The following GSG1L variants were observed in gnomAD, a reference collection of about 807,000 sequenced individuals.
The protein encoded by GSG1L is GSG1 like.
A neutral mutation model predicts 42.1 loss-of-function variants in GSG1L; 24 were observed. The ratio of observed to expected loss-of-function variants is 0.57; its 90% CI spans 0.41 to 0.80. GSG1L has a LOEUF of 0.80. GSG1L is among the 30% of genes least tolerant of loss of function. The pLI is 0.00. For synonymous variants in GSG1L, 215 were observed against 203.5 expected (o/e 1.06, Z -0.48); for missense variants, 445 against 472.2 (o/e 0.94, Z 0.53).
chr16:28,021,062 G>C (rs1328750036), intron 1 of GSG1L, among the ~76,000 whole-genome samples: 1 of 152,198 alleles, frequency 6.6e-6, no homozygotes, highest in Non-Finnish European at 1.5e-5. Flanking sequence ...GATTTGTTAG[G>C]TGGTGTATTA....
At chr16:27,982,771 G>A (rs369824328) in intron 1 of GSG1L, among the ~76,000 whole-genome samples, 19 of 152,282 alleles carry the variant, frequency 1.2e-4, no homozygotes, top group African/African-American at 4.3e-4. Context: ...GCAGGAGCAA[G>A]AGAGAGGAGA....
intron 5 of GSG1L, among the ~76,000 whole-genome samples, chr16:27,818,150 C>T (rs556081727): frequency 6.6e-6 from 1 of 152,230 alleles, no homozygotes; most frequent in Non-Finnish European, 1.5e-5. Flanking sequence ...CCCATCCTCT[C>T]CCCATGGTCC....
chr16:28,025,239 C>G (rs1014564986), intron 1 of GSG1L, among the ~76,000 whole-genome samples: 1 of 152,130 alleles, frequency 6.6e-6, no homozygotes, highest in African/African-American at 2.4e-5. Flanking sequence ...GCCATGTCAC[C>G]AGGAGAGTGG....
chr16:28,032,383 C>T (rs567562752), intron 1 of GSG1L, among the ~76,000 whole-genome samples: 4 of 152,284 alleles, frequency 2.6e-5, no homozygotes, highest in East Asian at 1.9e-4. Context: ...ATAACAAACA[C>T]GAATGACAAC....
chr16:27,872,506 G>A (rs920787949), intron 3 of GSG1L, among the ~76,000 whole-genome samples: 1 of 152,146 alleles, frequency 6.6e-6, no homozygotes, highest in Admixed American at 6.5e-5. Flanking sequence ...CCATCTTGAC[G>A]AGGGGCTGGG....
chr16:27,832,487 G>A (rs571689890), intron 4 of GSG1L, among the ~76,000 whole-genome samples: 2 of 152,136 alleles, frequency 1.3e-5, no homozygotes, highest in Non-Finnish European at 2.9e-5. Context: ...GTATGGGATT[G>A]GCTTTTTTTC....
At chr16:27,800,134 GT>G (rs1157451881) in intron 6 of GSG1L, among the ~76,000 whole-genome samples, 3 of 152,180 alleles carry the variant, frequency 2.0e-5, no homozygotes, top group Admixed American at 6.5e-5. Flanking sequence ...TGCAAGCTGT[GT>G]GCCATCTGCG....
chr16:27,824,055 C>A, intron 5 of GSG1L: 1 of 648,984 alleles, frequency 1.5e-6, no homozygotes, highest in South Asian at 1.8e-5. Context: ...CTTCGAAATA[C>A]CCTCGCCATC....
At chr16:27,897,346 T>C (rs1333030362) in intron 2 of GSG1L, among the ~76,000 whole-genome samples, 1 of 152,198 alleles carries the variant, frequency 6.6e-6, no homozygotes, top group African/African-American at 2.4e-5. Flanking sequence ...TCACCCAGGC[T>C]GGAGTGCAGT....
rs76319329 is a variant in GSG1L at position 27,998,807 on chromosome 16, T to TA, written c.350-35605dup. On this transcript the variant is annotated intron_variant, in intron 1 of 6. Transcript: ENST00000447459. ...TTTAAAAAATAAATCAATAAATAAT[T>TA]AAAAAAAAAAACAACCCAAGGCTTC... Among the ~76,000 whole-genome samples, 561 of 143,472 alleles carry TA rather than the reference T, an allele frequency of 3.9e-3. 3 individuals carry two copies. Among genetic ancestry groups the TA allele is most frequent in the African/African-American group, 0.012 (474 of 39,218 alleles). 94.1% of individuals were successfully genotyped at this position (143,472 alleles called of 152,430 possible).
chr16:27,948,092 C>T (rs1050025868), intron 2 of GSG1L, among the ~76,000 whole-genome samples: 1 of 152,182 alleles, frequency 6.6e-6, no homozygotes, highest in Non-Finnish European at 1.5e-5. Context: ...TCCTTACCCC[C>T]CTTGCTGGGG....
At chr16:27,926,818 A>G (rs941800555) in intron 2 of GSG1L, among the ~76,000 whole-genome samples, 10 of 152,386 alleles carry the variant, frequency 6.6e-5, no homozygotes, top group Admixed American at 5.9e-4. Context: ...GATAGCATAG[A>G]GGGCTGATGA....
At chr16:28,051,645 T>G (rs1332659685) in intron 1 of GSG1L, among the ~76,000 whole-genome samples, 1 of 151,524 alleles carries the variant, frequency 6.6e-6, no homozygotes, top group Non-Finnish European at 1.5e-5. Flanking sequence ...GGAGAAAGAG[T>G]TTCAGGCTAA....
chr16:27,886,832 A>G (rs1022025421), intron 2 of GSG1L, among the ~76,000 whole-genome samples: 7 of 152,228 alleles, frequency 4.6e-5, no homozygotes, highest in Non-Finnish European at 8.8e-5. Context: ...CGGACCAGGC[A>G]TGGGCAGTCA....
At chr16:27,874,661 G>A (rs1324319304) in intron 3 of GSG1L, among the ~76,000 whole-genome samples, 2 of 151,990 alleles carry the variant, frequency 1.3e-5, no homozygotes, top group African/African-American at 4.8e-5. Flanking sequence ...GTTGGAGGGT[G>A]ATGTGTCCTG....
intron 1 of GSG1L, among the ~76,000 whole-genome samples, chr16:27,977,311 T>C (rs776495066): frequency 6.6e-6 from 1 of 152,168 alleles, no homozygotes; most frequent in African/African-American, 2.4e-5. Context: ...ACAGGCGCGG[T>C]AGCTCATTCG....
intron 5 of GSG1L, among the ~76,000 whole-genome samples, chr16:27,822,646 T>C (rs1446221698): frequency 6.6e-6 from 1 of 152,126 alleles, no homozygotes; most frequent in Non-Finnish European, 1.5e-5. Flanking sequence ...CTCGAGCTCC[T>C]AGACTTAAGT....
chr16:27,812,833 G>C (rs991315578), intron 5 of GSG1L, among the ~76,000 whole-genome samples: 1 of 152,028 alleles, frequency 6.6e-6, no homozygotes, highest in Non-Finnish European at 1.5e-5. Flanking sequence ...CTCTCACCCA[G>C]GCTGGAGTGA....
intron 6 of GSG1L, among the ~76,000 whole-genome samples, chr16:27,791,769 C>T (rs532986829): frequency 4.6e-5 from 7 of 152,190 alleles, no homozygotes; most frequent in African/African-American, 1.4e-4. Flanking sequence ...CTCACACCCT[C>T]TCCAACCCAC....
Sources: gnomAD v4.1 joint callset for allele counts (sites outside exome capture counted in the v4.1 genomes callset) on GRCh38, gnomAD v4.1.1 for gene constraint, MANE v1.5 for transcripts, NCBI Gene and HGNC (gene_info 2026-07-23, HGNC 2026-07-21) for gene names.